DMP1: variants seen among roughly 807,000 people sequenced by gnomAD.
DMP1 encodes the protein dentin matrix protein 1.
In DMP1, 20 loss-of-function variants were observed where a neutral mutation model predicts 14.6. The ratio of observed to expected loss-of-function variants is 1.37; its 90% confidence interval spans 0.96 to 1.99. The LOEUF (loss-of-function observed/expected upper bound fraction) is 1.99, where lower values mean the gene tolerates loss of function less well. Among genes scored for constraint, DMP1 ranks in the 30% most tolerant of loss-of-function variants. The probability of loss-of-function intolerance (pLI) is 0.00; values close to 1 mark genes in which losing one functional copy is unlikely to be tolerated. For synonymous variants in DMP1, 197 were observed against 215.3 expected (o/e 0.91, Z 0.75); for missense variants, 567 against 620.5 (o/e 0.91, Z 0.92).
intron 3 of DMP1, 117 bp downstream of exon 3, chr4:87,657,196 C>G (rs1728725788): frequency 1.5e-6 from 1 of 668,238 alleles, no homozygotes. Context: ...TATTAATAAG[C>G]TAAGCTATAG....
Position 87,663,589 on chromosome 4 carries a change from T to C in DMP1, c.*269T>C. On this transcript the variant is annotated 3_prime_UTR_variant, in exon 6 of 6. Transcript: ENST00000339673. ...ATAACTTTGCAGCTGAGATAGTTCC[T>C]AATTCATCAACGTAACAAACAAAGC... is the stretch of plus-strand genomic sequence containing the variant. 1 of 510,626 alleles carries C rather than the reference T, an allele frequency of 2.0e-6. No individual in the cohort carries two copies. Among genetic ancestry groups the C allele is most frequent in the Non-Finnish European group, 3.5e-6 (1 of 283,492 alleles). The allele number at this position is 510,626 out of a possible 1,614,324, so 31.6% of individuals were successfully genotyped here.
At chr4:87,654,036 C>A (rs1728610924) in intron 1 of DMP1, among the ~76,000 whole-genome samples, 1 of 152,104 alleles carries the variant, frequency 6.6e-6, no homozygotes, top group Non-Finnish European at 1.5e-5. Flanking sequence ...TACTAGTAGA[C>A]CAAGTGGGGT....
intron 3 of DMP1, 62 bp downstream of exon 3, chr4:87,657,141 T>C: frequency 1.1e-6 from 1 of 939,832 alleles, no homozygotes; most frequent in South Asian, 1.4e-5. Context: ...TATAACCAAA[T>C]TGATTTCATT....
At chr4:87,661,264 A>C (rs1728862814) in intron 5 of DMP1, among the ~76,000 whole-genome samples, 3 of 123,128 alleles carry the variant, frequency 2.4e-5, no homozygotes, top group South Asian at 2.8e-4. Flanking sequence ...GCTGTCGCCC[A>C]GGCTGGAGTG....
intron 3 of DMP1, chr4:87,658,938 T>C (rs1728776596): frequency 2.1e-6 from 1 of 467,866 alleles, no homozygotes; most frequent in Non-Finnish European, 3.8e-6. Flanking sequence ...CTCTAGGTTG[T>C]ATGAACGGCC....
intron 1 of DMP1, among the ~76,000 whole-genome samples, chr4:87,655,972 T>C (rs892483226): frequency 1.3e-4 from 20 of 152,362 alleles, no homozygotes; most frequent in African/African-American, 4.8e-4. Context: ...TGTTGAGTTA[T>C]AATCTATACA....
intron 1 of DMP1, among the ~76,000 whole-genome samples, chr4:87,654,587 C>G (rs918607367): frequency 6.6e-5 from 10 of 152,016 alleles, no homozygotes; most frequent in Admixed American, 6.6e-4. Context: ...ACAAAGAGTC[C>G]GAGGACTTCA....
At position 87,659,623 on chromosome 4, in the gene DMP1, G is replaced by A. The variant is rs949081010; in HGVS notation, c.183+145G>A. The A allele has an allele frequency of 7.5e-6, 6 of 798,924 alleles. 1 individual carries two copies. Among genetic ancestry groups the A allele is most frequent in the Admixed American group, 4.3e-5 (2 of 46,078 alleles). The allele number at this position is 798,924 out of a possible 1,614,324, so 49.5% of individuals were successfully genotyped here. On this transcript the variant is annotated intron_variant, in intron 5 of 5. Coordinates refer to ENST00000339673, the MANE Select transcript of DMP1 (RefSeq NM_004407.4). ...GCTAAAGAGTCCTATAAAGTAAGAA[G>A]AGAAAAATGAGTAAGGAGAATTCAC...
chr4:87,658,205 C>T (rs530452229), intron 3 of DMP1, among the ~76,000 whole-genome samples: 52 of 152,348 alleles, frequency 3.4e-4, no homozygotes, highest in African/African-American at 1.2e-3. Flanking sequence ...AGGCCAAAGA[C>T]AGCGTGATTA....
intron 3 of DMP1, 195 bp downstream of exon 3, chr4:87,657,274 C>T (rs1728727741): frequency 4.2e-6 from 2 of 481,448 alleles, no homozygotes; most frequent in Non-Finnish European, 7.6e-6. Context: ...AGCATATTTT[C>T]TGTTAGCTTT....
Position 87,663,145 on chromosome 4 carries a change from C to A in DMP1, c.1367C>A (p.Ser456Tyr), listed in dbSNP as rs752731633. 1 of 1,614,182 alleles carries A rather than the reference C, an allele frequency of 6.2e-7. No individual in the cohort carries two copies. Among genetic ancestry groups the A allele is most frequent in the Non-Finnish European group, 8.5e-7 (1 of 1,180,032 alleles). Residue 456 changes from serine to tyrosine, a missense_variant, in exon 6 of 6, where the codon TCT (serine) becomes TAT (tyrosine). Physicochemically the swap from Ser to Tyr is moderately radical, Grantham distance 144 (BLOSUM62 -2). Transcript: ENST00000339673. ...CATTCTGAGGAAGACGACAGTGACT[C>A]TCAAGACAGCAGCAGATCCAAAGAA... Reference protein sequence around the residue: ...ESHSEEDDSDSQDSSRSKEDS... With the variant: ...ESHSEEDDSDYQDSSRSKEDS...
chr4:87,660,107 G>A (rs1402734662), intron 5 of DMP1, among the ~76,000 whole-genome samples: 1 of 152,124 alleles, frequency 6.6e-6, no homozygotes, highest in Non-Finnish European at 1.5e-5. Context: ...ACTCAATCCT[G>A]TGGGGCTCCA....
At chr4:87,661,574 T>C (rs1728880384) in intron 5 of DMP1, among the ~76,000 whole-genome samples, 1 of 151,574 alleles carries the variant, frequency 6.6e-6, no homozygotes, top group African/African-American at 2.4e-5. Flanking sequence ...TTGGCCAAGA[T>C]GGTCTCGATC....
rs1728991043 is a variant in DMP1, at chr4:87,663,422, A to G, written c.*102A>G. ...TATTGATGTTTTGATCAAAAGAATA[A>G]CCAGATGCCATATTTTTCCTGAAAG... On this transcript the variant is annotated 3_prime_UTR_variant, in exon 6 of 6. Coordinates refer to ENST00000339673, the MANE Select transcript of DMP1 (RefSeq NM_004407.4). The G allele has an allele frequency of 2.6e-6, 4 of 1,553,610 alleles. No homozygotes were observed. Among genetic ancestry groups the G allele is most frequent in the Non-Finnish European group, 3.5e-6 (4 of 1,131,996 alleles).
At chr4:87,652,565 C>A (rs771921552) in intron 1 of DMP1, among the ~76,000 whole-genome samples, 2 of 152,072 alleles carry the variant, frequency 1.3e-5, no homozygotes, top group Admixed American at 1.3e-4. Flanking sequence ...AGGATGCTAA[C>A]GAGTATTTCT....
At chr4:87,653,835 T>C (rs557446812) in intron 1 of DMP1, among the ~76,000 whole-genome samples, 1 of 152,174 alleles carries the variant, frequency 6.6e-6, no homozygotes, top group Admixed American at 6.5e-5. Context: ...CCTCTGAAGG[T>C]TTGCTGAAAA....
chr4:87,661,891 A>G, intron 5 of DMP1, 71 bp from the exon 6 acceptor site: 7 of 1,613,196 alleles, frequency 4.3e-6, no homozygotes, highest in Non-Finnish European at 5.9e-6. Context: ...GAAAGACTAG[A>G]AAGGCTCTAG....
chr4:87,662,246 C>T lies in DMP1; in HGVS notation c.468C>T (p.Asp156=). The change falls in exon 6 of 6, where the codon GAC becomes GAT. Residue 156 remains aspartate (D), a synonymous_variant. Transcript: ENST00000339673. ...AAGAGAGTGCCCCACAAGGGCAAGA[C>T]AGTGCCCAAGATACCACCAGTGAGA... The part of the protein sequence containing the change: ...ASEESAPQGQ[D]SAQDTTSESR... The T allele has an allele frequency of 6.2e-7, 1 of 1,614,174 alleles. No homozygotes were observed. The highest frequency in any genetic ancestry group is 8.5e-7 in the Non-Finnish European group (1 of 1,180,046).
In DMP1 at chr4:87,662,439, G is replaced by C; in HGVS notation, c.661G>C (p.Glu221Gln). ...TGAGGGAATGCAGAGTGATGACCCA[G>C]AGAGCATCAGGAGTGAAAGGGGAAA... is the stretch of plus-strand genomic sequence containing the variant. ...DDEGMQSDDP[E>Q]SIRSERGNSR... The change falls in exon 6 of 6, where the codon GAG (glutamate) becomes CAG (glutamine). Residue 221 changes from glutamate (E) to glutamine (Q), a missense_variant. By Grantham distance (29) the Glu-to-Gln change is conservative. Coordinates refer to ENST00000339673, the MANE Select transcript of DMP1 (RefSeq NM_004407.4). 1 of 1,614,188 alleles carries C rather than the reference G, an allele frequency of 6.2e-7. No homozygotes were observed. Among genetic ancestry groups the C allele is most frequent in the Non-Finnish European group, 8.5e-7 (1 of 1,180,046 alleles).
Sources: allele counts gnomAD v4.1 joint callset (sites outside exome capture counted in the v4.1 genomes callset), GRCh38; gene constraint gnomAD v4.1.1; transcripts MANE v1.5; gene names NCBI Gene and HGNC (gene_info 2026-07-23, HGNC 2026-07-21).